MS4A4E: variants seen among roughly 807,000 people sequenced by gnomAD.
MS4A4E encodes the protein membrane spanning 4-domains A4E.
MS4A4E carries 23 observed loss-of-function variants against 13.3 expected under a neutral mutation model. The ratio of observed to expected loss-of-function variants is 1.73; its 90% CI spans 1.25 to 2.45. MS4A4E has a LOEUF of 2.45. Ranked by LOEUF, MS4A4E falls within the 30% of genes most tolerant of loss-of-function variation. The pLI is 0.00. For synonymous variants in MS4A4E, 36 were observed against 45.6 expected (o/e 0.79, Z 0.85); for missense variants, 144 against 131.2 (o/e 1.10, Z -0.48).
intron 1 of MS4A4E, among the ~76,000 whole-genome samples, chr11:60,231,136 G>A (rs1230424503): frequency 1.3e-5 from 2 of 152,022 alleles, no homozygotes. Context: ...GTTGGGAGAA[G>A]GAGGGTGAAT....
At chr11:60,225,131 A>T (rs770117099) in intron 3 of MS4A4E, 2 of 1,461,130 alleles carry the variant, frequency 1.4e-6, no homozygotes, top group East Asian at 2.4e-5. Context: ...TATCCACCAC[A>T]AAAATGGTGC....
intron 5 of MS4A4E, among the ~76,000 whole-genome samples, 198 bp from the exon 6 acceptor site, chr11:60,208,892 A>G (rs574959521): frequency 5.1e-4 from 77 of 152,350 alleles, no homozygotes; most frequent in South Asian, 4.3e-3. Context: ...AAATAATCAC[A>G]GACATTTATT....
chr11:60,236,318 C>G (rs755500537), intron 1 of MS4A4E, among the ~76,000 whole-genome samples: 10 of 152,124 alleles, frequency 6.6e-5, no homozygotes, highest in Non-Finnish European at 1.2e-4. Flanking sequence ...TTGGAATTAG[C>G]TTGCAAATTT....
intron 5 of MS4A4E, among the ~76,000 whole-genome samples, chr11:60,212,220 C>A (rs184812853): frequency 6.6e-6 from 1 of 152,014 alleles, no homozygotes; most frequent in East Asian, 1.9e-4. Context: ...GCAAGAACAT[C>A]CAAAGATGTG....
At chr11:60,215,159 G>GT (rs975018487) in intron 3 of MS4A4E, among the ~76,000 whole-genome samples, 138 of 151,954 alleles carry the variant, frequency 9.1e-4, no homozygotes, top group African/African-American at 3.2e-3. Context: ...CATTATTAGA[G>GT]TTTTTTATTT....
chr11:60,201,060 TG>T lies in MS4A4E; in HGVS notation c.*482del, dbSNP rs539915904. ...CTCCCAGACGTGGTGGCTGGCCGGG[TG>T]GGGGGCTGAACCCCCCACCTCCCTC... is the stretch of plus-strand genomic sequence containing the variant. On this transcript the variant is annotated 3_prime_UTR_variant, in exon 9 of 9. Coordinates refer to ENST00000651255, the MANE Select transcript of MS4A4E (RefSeq NM_001393391.1). Among the ~76,000 whole-genome samples the T allele has an allele frequency of 9.6e-3, 996 of 103,656 alleles. 18 individuals carry two copies. Among genetic ancestry groups the T allele is most frequent in the Admixed American group, 0.014 (137 of 10,092 alleles). The allele number at this position is 103,656 out of a possible 152,430, so 68.0% of individuals were successfully genotyped here. A position where few individuals can be genotyped will look rare whatever the true frequency, so the allele number is the denominator to read the frequency against.
chr11:60,228,480 C>A, intron 3 of MS4A4E, 114 bp downstream of exon 3: 1 of 564,972 alleles, frequency 1.8e-6, no homozygotes, highest in South Asian at 2.7e-5. Flanking sequence ...AGCAGGAACT[C>A]TCCTTCATTG....
intron 3 of MS4A4E, among the ~76,000 whole-genome samples, chr11:60,221,439 T>A (rs1018652916): frequency 4.2e-5 from 6 of 143,700 alleles, no homozygotes; most frequent in Admixed American, 2.8e-4. Context: ...TCATGGGGAG[T>A]TCCCCAGGAT....
chr11:60,226,367 C>T (rs895750583), intron 3 of MS4A4E, among the ~76,000 whole-genome samples: 2 of 150,860 alleles, frequency 1.3e-5, no homozygotes, highest in South Asian at 4.2e-4. Flanking sequence ...CTCTGGTGAA[C>T]AAAGATGCAA....
chr11:60,205,821 C>G lies in MS4A4E; in HGVS notation c.484-1G>C, dbSNP rs1354725230. 6.6e-6 allele frequency among the ~76,000 whole-genome samples: 1 copy of G among 152,102 alleles called. No homozygotes were observed. ...TATTGCTTCTAATTTTATTTTTGCT[C>G]TGCAATAAAAAAGCAAATGTAATTA... On this transcript the variant is annotated splice_acceptor_variant, in intron 6 of 8. Coordinates refer to ENST00000651255, the MANE Select transcript of MS4A4E (RefSeq NM_001393391.1). LOFTEE classifies it high-confidence loss of function.
rs191178316 is a variant in MS4A4E, at chr11:60,237,118, G to A, written c.-17+5840C>T. ...TTTCCCAGCCTCCACCCTCTAATAA[G>A]CCCCAGTGTGTGTTGTTCCCCTTTA... On this transcript the variant is annotated intron_variant, in intron 1 of 8. Transcript: ENST00000651255. Among the ~76,000 whole-genome samples, 7 of 152,170 alleles carry A rather than the reference G, an allele frequency of 4.6e-5. No individual in the cohort carries two copies. In the East Asian group the frequency reaches 1.4e-3, roughly 29 times the overall value.
chr11:60,242,476 C>T, intron 1 of MS4A4E, among the ~76,000 whole-genome samples: 1 of 152,188 alleles, frequency 6.6e-6, no homozygotes, highest in East Asian at 1.9e-4. Context: ...ATGTACAAGG[C>T]TGGGGACCCT....
At chr11:60,217,561 G>A (rs1053597518) in intron 3 of MS4A4E, among the ~76,000 whole-genome samples, 5 of 152,152 alleles carry the variant, frequency 3.3e-5, no homozygotes, top group Non-Finnish European at 7.3e-5. Flanking sequence ...GGGAAGTCAG[G>A]GACCCCAAAC....
intron 5 of MS4A4E, among the ~76,000 whole-genome samples, chr11:60,211,659 T>G (rs2084122751): frequency 6.6e-6 from 1 of 152,312 alleles, no homozygotes; most frequent in African/African-American, 2.4e-5. Context: ...ACACCTGTAA[T>G]CCCAGCAGTT....
intron 1 of MS4A4E, among the ~76,000 whole-genome samples, 172 bp downstream of exon 1, chr11:60,242,786 C>T (rs970489446): frequency 6.6e-6 from 1 of 152,186 alleles, no homozygotes; most frequent in African/African-American, 2.4e-5. Flanking sequence ...CCACAACCCT[C>T]ACCAAATGCA....
At chr11:60,237,154 T>A (rs2084493996) in intron 1 of MS4A4E, among the ~76,000 whole-genome samples, 1 of 152,244 alleles carries the variant, frequency 6.6e-6, no homozygotes, top group Non-Finnish European at 1.5e-5. Context: ...TGTGCCCATG[T>A]GTTCTCATCA....
intron 3 of MS4A4E, among the ~76,000 whole-genome samples, chr11:60,228,205 A>T (rs1366588402): frequency 6.6e-6 from 1 of 152,214 alleles, no homozygotes; most frequent in South Asian, 2.1e-4. Context: ...CTGACAAAGG[A>T]TTGTTATTCA....
intron 3 of MS4A4E, among the ~76,000 whole-genome samples, chr11:60,218,145 A>T (rs1374084165): frequency 6.6e-6 from 1 of 152,052 alleles, no homozygotes; most frequent in East Asian, 1.9e-4. Flanking sequence ...GGTGAAATAG[A>T]CCCCAGTCTC....
rs570643500 is a variant in MS4A4E at position 60,205,107 on chromosome 11, AT to A, written c.591-150del. Among the ~76,000 whole-genome samples the A allele has an allele frequency of 1.0e-3, 153 of 152,274 alleles. No individual in the cohort carries two copies. The Middle Eastern group carries it at 0.014, about 14-fold the overall frequency. Reference sequence around the variant, plus strand: ...ACTGAGTTGGAAAATATGAATGTCCATGCAAATTCAATACTTTTTATCTTAT... The same window carrying A: ...ACTGAGTTGGAAAATATGAATGTCCAGCAAATTCAATACTTTTTATCTTAT... On this transcript the variant is annotated intron_variant, in intron 7 of 8. Transcript: ENST00000651255.
Sources: gnomAD v4.1 joint callset for allele counts (sites outside exome capture counted in the v4.1 genomes callset) on GRCh38, gnomAD v4.1.1 for gene constraint, MANE v1.5 for transcripts, NCBI Gene and HGNC (gene_info 2026-07-23, HGNC 2026-07-21) for gene names.